RAPGEF1: variants seen among roughly 807,000 people sequenced by gnomAD.
RAPGEF1 encodes the protein Rap guanine nucleotide exchange factor 1.
In RAPGEF1, 33 loss-of-function variants were observed where a neutral mutation model predicts 143.3. The observed-to-expected ratio is 0.23, with a 90% confidence interval of 0.17 to 0.31. RAPGEF1 has a LOEUF of 0.31. RAPGEF1 is among the 10% of genes least tolerant of loss of function. RAPGEF1 has a pLI of 1.00. For missense variants in RAPGEF1, 1,199 were observed against 1,645.4 expected, an observed-to-expected ratio of 0.73 and a Z score of 4.69; for synonymous variants, 629 against 676.5, an observed-to-expected ratio of 0.93 and a Z score of 1.09.
At chr9:131,716,318 G>A (rs1835860894) in intron 1 of RAPGEF1, among the ~76,000 whole-genome samples, 2 of 152,208 alleles carry the variant, frequency 1.3e-5, no homozygotes, top group South Asian at 4.1e-4. Context: ...GGGCAATCAG[G>A]GCTCAGCATC....
intron 1 of RAPGEF1, among the ~76,000 whole-genome samples, chr9:131,686,014 G>A (rs182218334): frequency 6.6e-6 from 1 of 152,262 alleles, no homozygotes; most frequent in East Asian, 1.9e-4. Context: ...CATGCGTTCT[G>A]GGGTGTGAAT....
chr9:131,729,563 C>T (rs867238200), intron 1 of RAPGEF1, among the ~76,000 whole-genome samples: 1 of 152,216 alleles, frequency 6.6e-6, no homozygotes, highest in East Asian at 1.9e-4. Flanking sequence ...TGGAAAGCCC[C>T]GGGGGAACCC....
At chr9:131,657,899 T>G (rs564981787) in intron 1 of RAPGEF1, among the ~76,000 whole-genome samples, 1 of 152,258 alleles carries the variant, frequency 6.6e-6, no homozygotes, top group African/African-American at 2.4e-5. Context: ...ACCTAAGTGA[T>G]GGCATATTGT....
intron 12 of RAPGEF1, among the ~76,000 whole-genome samples, chr9:131,612,290 T>G (rs1958143055): frequency 6.6e-6 from 1 of 151,960 alleles, no homozygotes; most frequent in African/African-American, 2.4e-5. Flanking sequence ...ATGGATGGAG[T>G]CAGAAGTACA....
chr9:131,597,452 T>C (rs1955497326), intron 16 of RAPGEF1, among the ~76,000 whole-genome samples: 2 of 152,372 alleles, frequency 1.3e-5, no homozygotes, highest in African/African-American at 4.8e-5. Context: ...AGCGCATCCT[T>C]GCCTGGGAGT....
chr9:131,665,365 T>G (rs550081220), intron 1 of RAPGEF1, among the ~76,000 whole-genome samples: 5 of 152,278 alleles, frequency 3.3e-5, no homozygotes, highest in Admixed American at 6.5e-5. Context: ...CGGCAAATCC[T>G]GTGAGTTCTA....
At chr9:131,634,257 C>T (rs1965721970) in intron 5 of RAPGEF1, among the ~76,000 whole-genome samples, 1 of 151,198 alleles carries the variant, frequency 6.6e-6, no homozygotes, top group Non-Finnish European at 1.5e-5. Context: ...TGTCTCAGAA[C>T]AAAAAGAAGA....
In RAPGEF1 at chr9:131,626,509, C is replaced by T. The variant is rs567661216; in HGVS notation, c.1202-87G>A. 2,523 of 1,365,200 alleles carry T rather than the reference C, an allele frequency of 1.8e-3. 2 individuals are homozygous for T. The highest frequency in any genetic ancestry group is 2.1e-3 in the Non-Finnish European group (2,117 of 1,009,806). The allele number at this position is 1,365,200 out of a possible 1,614,324, so 84.6% of individuals were successfully genotyped here. On this transcript the variant is annotated intron_variant, in intron 9 of 26. Coordinates refer to ENST00000683357, the MANE Select transcript of RAPGEF1 (RefSeq NM_001377935.1). Reference sequence around the variant, plus strand: ...TCCCCCCGCCCGCCTCTCGCCGGCTCGCTCATGGGTGTGTGACAAAGACCT... The same window carrying T: ...TCCCCCCGCCCGCCTCTCGCCGGCTTGCTCATGGGTGTGTGACAAAGACCT...
intron 1 of RAPGEF1, among the ~76,000 whole-genome samples, chr9:131,706,031 G>A (rs1835026740): frequency 6.6e-6 from 1 of 152,154 alleles, no homozygotes; most frequent in South Asian, 2.1e-4. Context: ...ATTCTCCAGA[G>A]CTCCTAACAC....
At chr9:131,626,890 C>T (rs959556812) in intron 9 of RAPGEF1, among the ~76,000 whole-genome samples, 1 of 152,114 alleles carries the variant, frequency 6.6e-6, no homozygotes, top group African/African-American at 2.4e-5. Context: ...CAGTTGAGGC[C>T]AGGAGTTCAA....
intron 26 of RAPGEF1, 22 bp from the exon 27 acceptor site, chr9:131,579,669 A>AG (rs760059387): frequency 8.1e-6 from 13 of 1,611,548 alleles, no homozygotes; most frequent in Non-Finnish European, 1.1e-5. Flanking sequence ...GATGGGGAGC[A>AG]GTCAGTGAGC....
chr9:131,706,555 C>T (rs1057237461), intron 1 of RAPGEF1, among the ~76,000 whole-genome samples: 2 of 152,140 alleles, frequency 1.3e-5, no homozygotes, highest in Non-Finnish European at 2.9e-5. Context: ...CAGGTGTGAG[C>T]CACTGCATCC....
chr9:131,680,165 G>A (rs1324835842), intron 1 of RAPGEF1, among the ~76,000 whole-genome samples: 1 of 152,258 alleles, frequency 6.6e-6, no homozygotes, highest in Non-Finnish European at 1.5e-5. Flanking sequence ...CAGTTCCAAT[G>A]TGAATCCAGT....
intron 1 of RAPGEF1, among the ~76,000 whole-genome samples, chr9:131,653,713 C>A (rs1469513232): frequency 6.6e-6 from 1 of 152,202 alleles, no homozygotes; most frequent in African/African-American, 2.4e-5. Context: ...TGGAAAATGT[C>A]GGGCAGTTTC....
At chr9:131,593,500 T>C (rs1421472900) in intron 17 of RAPGEF1, among the ~76,000 whole-genome samples, 1 of 152,192 alleles carries the variant, frequency 6.6e-6, no homozygotes, top group African/African-American at 2.4e-5. Context: ...TGCTTAAATC[T>C]TGTGCTCTGG....
chr9:131,739,115 G>A (rs1290484602), intron 1 of RAPGEF1, among the ~76,000 whole-genome samples: 1 of 152,086 alleles, frequency 6.6e-6, no homozygotes, highest in African/African-American at 2.4e-5. Context: ...GCAAACCCAG[G>A]GACTCGGAAG....
At chr9:131,585,422 C>T (rs937325640) in intron 22 of RAPGEF1, among the ~76,000 whole-genome samples, 8 of 152,256 alleles carry the variant, frequency 5.3e-5, no homozygotes, top group East Asian at 1.9e-4. Context: ...CTCAAGTGAC[C>T]CTCCTGCCTC....
intron 1 of RAPGEF1, among the ~76,000 whole-genome samples, chr9:131,735,967 G>A (rs956703274): frequency 5.3e-5 from 8 of 152,122 alleles, no homozygotes; most frequent in African/African-American, 1.4e-4. Flanking sequence ...AATCCAGCCC[G>A]CAGCTGCCAG....
At chr9:131,585,022 G>A (rs1428927765) in intron 22 of RAPGEF1, among the ~76,000 whole-genome samples, 1 of 152,154 alleles carries the variant, frequency 6.6e-6, no homozygotes, top group Non-Finnish European at 1.5e-5. Context: ...AGCCACGAGG[G>A]AAGGAAACTC....
Sources: gnomAD v4.1 joint callset for allele counts (sites outside exome capture counted in the v4.1 genomes callset) on GRCh38, gnomAD v4.1.1 for gene constraint, MANE v1.5 for transcripts, NCBI Gene and HGNC (gene_info 2026-07-23, HGNC 2026-07-21) for gene names.